The following AGBL4 variants were observed in gnomAD, a reference collection of about 807,000 sequenced individuals.
The protein encoded by AGBL4 is cytosolic carboxypeptidase 6.
In AGBL4, 58 loss-of-function variants were observed where a neutral mutation model predicts 66.4. That is an observed-to-expected ratio of 0.87 (90% CI 0.71 to 1.09). The LOEUF (loss-of-function observed/expected upper bound fraction) is 1.09. Ranked by LOEUF, AGBL4 falls within the 50% of genes least tolerant of loss-of-function variation. The pLI is 0.00. For synonymous variants in AGBL4, 234 were observed against 222.9 expected (o/e 1.05, Z -0.44); for missense variants, 579 against 631.0 (o/e 0.92, Z 0.88).
At chr1:49,084,739 T>G (rs1456736390) in intron 4 of AGBL4, among the ~76,000 whole-genome samples, 1 of 152,162 alleles carries the variant, frequency 6.6e-6, no homozygotes, top group African/African-American at 2.4e-5. Context: ...TCTTCCCTCC[T>G]GCAGCATTCA....
At chr1:49,814,180 T>C (rs1645176626) in intron 2 of AGBL4, among the ~76,000 whole-genome samples, 1 of 152,136 alleles carries the variant, frequency 6.6e-6, no homozygotes, top group Admixed American at 6.5e-5. Context: ...ATTAATTGTG[T>C]AGCCAGCAAA....
At chr1:48,787,354 CA>C (rs1279503742) in intron 6 of AGBL4, among the ~76,000 whole-genome samples, 1 of 152,160 alleles carries the variant, frequency 6.6e-6, no homozygotes, top group Non-Finnish European at 1.5e-5. Context: ...CACTATCATC[CA>C]AATGTCCCAA....
At chr1:49,785,961 G>C (rs1469717154) in intron 2 of AGBL4, among the ~76,000 whole-genome samples, 1 of 150,430 alleles carries the variant, frequency 6.6e-6, no homozygotes, top group Admixed American at 6.6e-5. Flanking sequence ...AAGGTATCAG[G>C]AAGAAAAAAG....
chr1:49,691,456 G>A (rs1646885039), intron 3 of AGBL4: 1 of 157,516 alleles, frequency 6.3e-6, no homozygotes, highest in Non-Finnish European at 1.4e-5. Context: ...TGTGGATGTA[G>A]TGGAGATAGT....
At chr1:49,870,553 C>T (rs570694840) in intron 1 of AGBL4, among the ~76,000 whole-genome samples, 61 of 149,586 alleles carry the variant, frequency 4.1e-4, no homozygotes, top group Non-Finnish European at 7.1e-4. Flanking sequence ...CGTGTGCCCC[C>T]ATAAATATAT....
At chr1:49,733,248 G>A (rs1002705133) in intron 2 of AGBL4, among the ~76,000 whole-genome samples, 16 of 152,148 alleles carry the variant, frequency 1.1e-4, no homozygotes, top group Non-Finnish European at 1.9e-4. Flanking sequence ...GAGACAAGTC[G>A]TTGTTAGCAG....
chr1:48,532,573 T>C (rs554573070), downstream of AGBL4, among the ~76,000 whole-genome samples: 2 of 152,348 alleles, frequency 1.3e-5, no homozygotes, highest in African/African-American at 4.8e-5. Flanking sequence ...TCTCATCTTA[T>C]GCAATCTGCC....
chr1:48,837,622 T>A (rs1330092245), intron 6 of AGBL4, among the ~76,000 whole-genome samples: 1 of 150,076 alleles, frequency 6.7e-6, no homozygotes, highest in Admixed American at 6.7e-5. Flanking sequence ...AGATGGCCTA[T>A]TGTGGGGCCT....
chr1:48,590,381 G>C (rs1042633441), intron 10 of AGBL4, among the ~76,000 whole-genome samples: 5 of 147,656 alleles, frequency 3.4e-5, no homozygotes, highest in African/African-American at 1.3e-4. Context: ...ACTCCAGCCT[G>C]GGCAATAAGA....
At chr1:49,613,490 C>A (rs1645193831) in intron 3 of AGBL4, among the ~76,000 whole-genome samples, 1 of 152,168 alleles carries the variant, frequency 6.6e-6, no homozygotes, top group Non-Finnish European at 1.5e-5. Flanking sequence ...TCTGTATTTA[C>A]AGCTACTCAC....
intron 3 of AGBL4, among the ~76,000 whole-genome samples, chr1:49,515,352 T>C (rs368261581): frequency 1.3e-5 from 2 of 151,994 alleles, no homozygotes; most frequent in Admixed American, 6.6e-5. Flanking sequence ...CATCTCACAC[T>C]AGTTAGAATG....
chr1:49,828,248 G>A (rs1645562458), intron 2 of AGBL4, among the ~76,000 whole-genome samples: 1 of 152,098 alleles, frequency 6.6e-6, no homozygotes, highest in Non-Finnish European at 1.5e-5. Context: ...TGGAGATAGA[G>A]CAAATAGACA....
At chr1:49,677,012 C>T (rs1646592979) in intron 3 of AGBL4, among the ~76,000 whole-genome samples, 1 of 151,826 alleles carries the variant, frequency 6.6e-6, no homozygotes, top group Non-Finnish European at 1.5e-5. Flanking sequence ...CAGGAATATT[C>T]TTTTTTTTCT....
At chr1:49,493,610 A>T (rs1417641449) in intron 3 of AGBL4, among the ~76,000 whole-genome samples, 1 of 151,898 alleles carries the variant, frequency 6.6e-6, no homozygotes, top group African/African-American at 2.4e-5. Context: ...GGAAGTAAGA[A>T]GGCCAGGGTA....
intron 3 of AGBL4, among the ~76,000 whole-genome samples, chr1:49,666,707 C>T (rs188148510): frequency 6.6e-6 from 1 of 152,110 alleles, no homozygotes; most frequent in East Asian, 1.9e-4. Context: ...TTATTGAGTG[C>T]TTACTATGTA....
chr1:48,616,437 A>T (rs1384384913), intron 9 of AGBL4, among the ~76,000 whole-genome samples: 2 of 152,222 alleles, frequency 1.3e-5, no homozygotes, highest in Non-Finnish European at 2.9e-5. Context: ...TAATTGGTAC[A>T]GAATAGTTCA....
chr1:49,143,166 C>T (rs1369408456), intron 4 of AGBL4, among the ~76,000 whole-genome samples: 1 of 152,100 alleles, frequency 6.6e-6, no homozygotes, highest in Non-Finnish European at 1.5e-5. Flanking sequence ...TTATCTCTCC[C>T]CATGTCCTAT....
At chr1:48,874,975 G>C (rs981086885) in intron 5 of AGBL4, among the ~76,000 whole-genome samples, 2 of 152,060 alleles carry the variant, frequency 1.3e-5, no homozygotes, top group African/African-American at 4.8e-5. Context: ...GGCTTTCCCA[G>C]ATAACACCTT....
At chr1:48,832,128 G>A (rs528467918) in intron 6 of AGBL4, among the ~76,000 whole-genome samples, 2 of 152,338 alleles carry the variant, frequency 1.3e-5, no homozygotes, top group East Asian at 3.9e-4. Flanking sequence ...GGATCAAGAA[G>A]TCAGGAGTGT....
Sources: allele counts gnomAD v4.1 joint callset (sites outside exome capture counted in the v4.1 genomes callset), GRCh38; gene constraint gnomAD v4.1.1; transcripts MANE v1.5; gene names NCBI Gene and HGNC (gene_info 2026-07-23, HGNC 2026-07-21).